The following MAGI3 variants were observed in gnomAD, a reference collection of about 807,000 sequenced individuals.
MAGI3 encodes membrane-associated guanylate kinase, WW and PDZ domain-containing protein 3.
In MAGI3, 43 loss-of-function variants were observed where a neutral mutation model predicts 121.8. The ratio of observed to expected loss-of-function variants is 0.35; its 90% confidence interval spans 0.28 to 0.46. The LOEUF (loss-of-function observed/expected upper bound fraction) is 0.46, where lower values mean the gene tolerates loss of function less well. Ranked by LOEUF, MAGI3 falls within the 20% of genes least tolerant of loss-of-function variation. The probability of loss-of-function intolerance (pLI) is 1.00; values close to 1 mark genes in which losing one functional copy is unlikely to be tolerated. For missense variants in MAGI3, 1,547 were observed against 1,797.3 expected, an observed-to-expected ratio of 0.86 and a Z score of 2.52; for synonymous variants, 553 against 639.3, an observed-to-expected ratio of 0.86 and a Z score of 2.04.
intron 9 of MAGI3, among the ~76,000 whole-genome samples, chr1:113,629,729 C>CCTCT (rs374062732): frequency 4.5e-5 from 5 of 111,926 alleles, no homozygotes; most frequent in Admixed American, 1.0e-4. Context: ...AGTCAGTCTC[C>CCTCT]CTCTCTCTCT....
At chr1:113,481,573 T>G (rs1656115805) in intron 1 of MAGI3, among the ~76,000 whole-genome samples, 1 of 152,218 alleles carries the variant, frequency 6.6e-6, no homozygotes, top group South Asian at 2.1e-4. Context: ...TTTAATTCTT[T>G]AATTTAGTGC....
At chr1:113,504,900 G>T (rs901944520) in intron 1 of MAGI3, among the ~76,000 whole-genome samples, 1 of 152,124 alleles carries the variant, frequency 6.6e-6, no homozygotes, top group Non-Finnish European at 1.5e-5. Context: ...GGGACTTTCT[G>T]TGAGGTACTG....
At chr1:113,678,695 C>A (rs890029364) in intron 19 of MAGI3, among the ~76,000 whole-genome samples, 1 of 152,128 alleles carries the variant, frequency 6.6e-6, no homozygotes, top group Non-Finnish European at 1.5e-5. Flanking sequence ...CATGTTTTAT[C>A]TTAAGTCCTC....
intron 4 of MAGI3, among the ~76,000 whole-genome samples, chr1:113,587,856 A>T (rs192858076): frequency 6.6e-6 from 1 of 152,296 alleles, no homozygotes; most frequent in Admixed American, 6.5e-5. Context: ...TCCTTTCCAG[A>T]TTGATTTTTC....
chr1:113,609,992 G>A (rs889135381), intron 6 of MAGI3, among the ~76,000 whole-genome samples: 3 of 152,004 alleles, frequency 2.0e-5, no homozygotes, highest in East Asian at 3.8e-4. Context: ...ACTCTACTTC[G>A]TATTTTTCTC....
At chr1:113,434,123 A>G (rs1048693990) in intron 1 of MAGI3, among the ~76,000 whole-genome samples, 1 of 152,186 alleles carries the variant, frequency 6.6e-6, no homozygotes, top group Non-Finnish European at 1.5e-5. Flanking sequence ...TGCTACCCAG[A>G]AGATACCAGA....
At chr1:113,613,985 A>G (rs908491684) in intron 6 of MAGI3, among the ~76,000 whole-genome samples, 1 of 152,226 alleles carries the variant, frequency 6.6e-6, no homozygotes, top group African/African-American at 2.4e-5. Context: ...TTAGTAATAT[A>G]TAAAAATGCT....
At chr1:113,542,424 A>G (rs1402962787) in intron 1 of MAGI3, among the ~76,000 whole-genome samples, 3 of 152,218 alleles carry the variant, frequency 2.0e-5, no homozygotes, top group Admixed American at 6.5e-5. Flanking sequence ...TTTCCATTTA[A>G]TACTTTCAGA....
intron 6 of MAGI3, among the ~76,000 whole-genome samples, chr1:113,609,888 C>G (rs569101773): frequency 2.0e-5 from 3 of 152,220 alleles, no homozygotes; most frequent in Admixed American, 6.5e-5. Context: ...CAAAAATAAA[C>G]AAACAAATTT....
rs757765777 is a variant in MAGI3, at chr1:113,683,571, G to A, written c.4003G>A (p.Asp1335Asn). Reference protein sequence around the residue: ...EQIPDGKEKSDVIRKDAKQNQ... With the variant: ...EQIPDGKEKSNVIRKDAKQNQ... ...GATCCCAGATGGGAAGGAAAAATCA[G>A]ACGTCATCAGGAAAGATGCAAAGCA... The change falls in exon 21 of 21, where the codon GAC becomes AAC. Residue 1335 changes from aspartate (D) to asparagine (N), a missense_variant. By Grantham distance (23) the Asp-to-Asn change is conservative (BLOSUM62 1). Coordinates refer to ENST00000307546, the MANE Select transcript of MAGI3 (RefSeq NM_001142782.2). 38 of 1,613,788 alleles carry A rather than the reference G, an allele frequency of 2.4e-5. No homozygotes were observed. The highest frequency in any genetic ancestry group is 5.0e-5 in the Admixed American group (3 of 59,998).
Position 113,531,793 on chromosome 1 carries a change from G to C in MAGI3, c.317-17722G>C, listed in dbSNP as rs1658740137. 2.0e-5 allele frequency among the ~76,000 whole-genome samples: 3 copies of C among 152,200 alleles called. No individual in the cohort carries two copies. The South Asian group carries it at 6.2e-4, about 32-fold the overall frequency. On this transcript the variant is annotated intron_variant, in intron 1 of 20. Coordinates refer to ENST00000307546, the MANE Select transcript of MAGI3 (RefSeq NM_001142782.2). ...TTAGTACTCAACATGATACACAACA[G>C]AAATCACCATGTCTCCCTTTAAGGT...
chr1:113,474,388 T>C (rs1655700293), intron 1 of MAGI3, among the ~76,000 whole-genome samples: 1 of 152,258 alleles, frequency 6.6e-6, no homozygotes, highest in South Asian at 2.1e-4. Flanking sequence ...AGGGTTTTTA[T>C]GGTTTTAGGT....
rs180778081 is a variant in MAGI3 at position 113,439,211 on chromosome 1, A to T, written c.316+47862A>T. Among the ~76,000 whole-genome samples the T allele has an allele frequency of 2.6e-3, 394 of 152,346 alleles. 2 individuals carry two copies. The highest frequency in any genetic ancestry group is 9.1e-3 in the African/African-American group (378 of 41,588). On this transcript the variant is annotated intron_variant, in intron 1 of 20. Transcript: ENST00000307546. ...GGGTGGGATAGAGTGGAACAGCACG[A>T]GATTGCTACTCTGAGCAGTGTGCAA...
intron 1 of MAGI3, among the ~76,000 whole-genome samples, chr1:113,405,442 C>G (rs1651620437): frequency 8.4e-6 from 1 of 119,000 alleles, no homozygotes; most frequent in Non-Finnish European, 1.6e-5. Context: ...CTTGTACCTG[C>G]ATACTGCCTG....
chr1:113,561,389 C>A (rs1383930433), intron 2 of MAGI3, among the ~76,000 whole-genome samples: 2 of 152,176 alleles, frequency 1.3e-5, no homozygotes, highest in African/African-American at 2.4e-5. Context: ...AAACCGAATC[C>A]AACAGCACAT....
chr1:113,467,809 G>T (rs2101532745), intron 1 of MAGI3, among the ~76,000 whole-genome samples: 1 of 152,198 alleles, frequency 6.6e-6, no homozygotes, highest in East Asian at 1.9e-4. Context: ...TGCTGAGATT[G>T]CAGGCATAAG....
intron 1 of MAGI3, among the ~76,000 whole-genome samples, chr1:113,543,333 A>C (rs916947386): frequency 2.6e-5 from 4 of 152,250 alleles, no homozygotes; most frequent in African/African-American, 9.6e-5. Context: ...ACTATAATTA[A>C]AACCTACTTT....
At chr1:113,657,266 C>T (rs1238694180) in intron 15 of MAGI3, among the ~76,000 whole-genome samples, 3 of 152,212 alleles carry the variant, frequency 2.0e-5, no homozygotes, top group Non-Finnish European at 4.4e-5. Context: ...TTACCTTGAA[C>T]AGTTTCCCAG....
At chr1:113,428,082 C>T (rs908371528) in intron 1 of MAGI3, among the ~76,000 whole-genome samples, 1 of 152,044 alleles carries the variant, frequency 6.6e-6, no homozygotes, top group Non-Finnish European at 1.5e-5. Flanking sequence ...GGCTTTTTTC[C>T]TCACTCTGGC....
Sources: allele counts gnomAD v4.1 joint callset (sites outside exome capture counted in the v4.1 genomes callset), GRCh38; gene constraint gnomAD v4.1.1; transcripts MANE v1.5; gene names NCBI Gene and HGNC (gene_info 2026-07-23, HGNC 2026-07-21).